Variants in HCN1 observed in about 807,000 individuals in gnomAD.
HCN1 encodes the protein hyperpolarization activated cyclic nucleotide gated potassium channel 1.
Under a neutral mutation model 78.9 loss-of-function variants are expected in HCN1, and 13 were observed. That is an observed-to-expected ratio of 0.16 (90% CI 0.11 to 0.26). The LOEUF is 0.26. HCN1 is among the 10% of genes least tolerant of loss of function. The pLI is 1.00. For missense variants in HCN1, 810 were observed against 1,154.3 expected (o/e 0.70, Z 4.32); for synonymous variants, 552 against 455.5 (o/e 1.21, Z -2.70).
intron 4 of HCN1, among the ~76,000 whole-genome samples, chr5:45,370,114 T>A: frequency 6.6e-6 from 1 of 152,018 alleles, no homozygotes; most frequent in East Asian, 1.9e-4. Flanking sequence ...AGCATATATA[T>A]GTTTTCACTG....
chr5:45,306,784 A>T (rs1362301284), intron 5 of HCN1, among the ~76,000 whole-genome samples: 1 of 152,092 alleles, frequency 6.6e-6, no homozygotes, highest in Non-Finnish European at 1.5e-5. Flanking sequence ...TGTTATAATT[A>T]GCTCTTTTTA....
intron 5 of HCN1, among the ~76,000 whole-genome samples, chr5:45,308,618 AT>A (rs1351599534): frequency 6.6e-6 from 1 of 152,070 alleles, no homozygotes; most frequent in African/African-American, 2.4e-5. Flanking sequence ...AAGAAGACAA[AT>A]TGTATATATA....
At chr5:45,425,449 T>C (rs1279480874) in intron 3 of HCN1, among the ~76,000 whole-genome samples, 2 of 152,208 alleles carry the variant, frequency 1.3e-5, no homozygotes, top group Non-Finnish European at 2.9e-5. Context: ...CACATCAAGA[T>C]GTCAAATAAT....
chr5:45,346,559 G>A (rs1277026280), intron 5 of HCN1, among the ~76,000 whole-genome samples: 4 of 152,188 alleles, frequency 2.6e-5, no homozygotes, highest in African/African-American at 9.6e-5. Flanking sequence ...AGCAGGGCGA[G>A]GCACTACCTC....
In HCN1 at chr5:45,531,038, A is replaced by G. The variant is rs546589845; in HGVS notation, c.850-69031T>C. On this transcript the variant is annotated intron_variant, in intron 2 of 7. Coordinates refer to ENST00000303230, the MANE Select transcript of HCN1 (RefSeq NM_021072.4). ...GGGTGTAGTTTCTGGATGTAAAATT[A>G]AAGAAATGCTAACACACATACACAC... Among the ~76,000 whole-genome samples the G allele has an allele frequency of 1.2e-4, 18 of 151,854 alleles. 1 individual carries two copies. Among genetic ancestry groups the G allele is most frequent in the African/African-American group, 4.1e-4 (17 of 41,398 alleles).
chr5:45,567,631 G>T (rs1579973777), intron 2 of HCN1, among the ~76,000 whole-genome samples: 1 of 142,508 alleles, frequency 7.0e-6, no homozygotes, highest in East Asian at 2.3e-4. Flanking sequence ...CAAAAACATG[G>T]TGGCATGAAA....
chr5:45,688,936 A>C (rs974398965), intron 1 of HCN1, among the ~76,000 whole-genome samples: 1 of 152,070 alleles, frequency 6.6e-6, no homozygotes, highest in African/African-American at 2.4e-5. Flanking sequence ...AATAAGCAAA[A>C]ATCTACAGAG....
chr5:45,318,098 A>T (rs540931065), intron 5 of HCN1, among the ~76,000 whole-genome samples: 1 of 152,312 alleles, frequency 6.6e-6, no homozygotes, highest in African/African-American at 2.4e-5. Flanking sequence ...TCATGCAGCT[A>T]TAAAAACACA....
intron 3 of HCN1, among the ~76,000 whole-genome samples, chr5:45,446,003 A>G (rs1187242376): frequency 1.3e-5 from 2 of 152,252 alleles, no homozygotes; most frequent in African/African-American, 4.8e-5. Flanking sequence ...AAAGGAACGC[A>G]GTTCCTCACC....
chr5:45,364,597 G>T (rs140345396), intron 4 of HCN1, among the ~76,000 whole-genome samples: 1 of 151,960 alleles, frequency 6.6e-6, no homozygotes, highest in Non-Finnish European at 1.5e-5. Flanking sequence ...CTGCAGCCTA[G>T]GCTACAGACT....
rs147761493 is a variant in HCN1 at position 45,442,931 on chromosome 5, G to T, written c.1011+18915C>A. ...GTTGAATTGGTAGTTTTCTTCAAGA[G>T]CTAGTTTAACTTGATAGCCCCAATT... On this transcript the variant is annotated intron_variant, in intron 3 of 7. Coordinates refer to ENST00000303230, the MANE Select transcript of HCN1 (RefSeq NM_021072.4). 5.9e-5 allele frequency among the ~76,000 whole-genome samples: 9 copies of T among 152,144 alleles called. No homozygotes were observed. The East Asian group carries it at 1.5e-3, about 26-fold the overall frequency.
intron 6 of HCN1, among the ~76,000 whole-genome samples, chr5:45,302,326 G>A (rs1219171135): frequency 6.6e-6 from 1 of 151,986 alleles, no homozygotes; most frequent in Non-Finnish European, 1.5e-5. Context: ...GAAGTTGCTT[G>A]TCTCTCCTTC....
chr5:45,399,334 T>C (rs1739748981), intron 3 of HCN1, among the ~76,000 whole-genome samples: 2 of 152,368 alleles, frequency 1.3e-5, no homozygotes, highest in East Asian at 1.9e-4. Flanking sequence ...TGTGTGATGC[T>C]GCCATCCTGC....
intron 3 of HCN1, among the ~76,000 whole-genome samples, chr5:45,461,052 G>A (rs1741144011): frequency 6.6e-6 from 1 of 151,872 alleles, no homozygotes; most frequent in Non-Finnish European, 1.5e-5. Flanking sequence ...TAATTAAAAT[G>A]TAATGCAGGA....
At chr5:45,498,163 T>A (rs1742091653) in intron 2 of HCN1, among the ~76,000 whole-genome samples, 1 of 152,226 alleles carries the variant, frequency 6.6e-6, no homozygotes, top group South Asian at 2.1e-4. Context: ...TTCTCCTGGA[T>A]AATGTCCTGC....
At chr5:45,677,698 A>G (rs1739604822) in intron 1 of HCN1, among the ~76,000 whole-genome samples, 1 of 151,878 alleles carries the variant, frequency 6.6e-6, no homozygotes, top group African/African-American at 2.4e-5. Context: ...GACAAGCAAG[A>G]GAGAGAAAGA....
chr5:45,459,251 CAATAA>C (rs551221127), intron 3 of HCN1, among the ~76,000 whole-genome samples: 9 of 151,432 alleles, frequency 5.9e-5, no homozygotes, highest in African/African-American at 1.5e-4. Context: ...AAAATAAAAA[CAATAA>C]AATAAAATAA....
At chr5:45,328,848 T>A (rs1362920425) in intron 5 of HCN1, among the ~76,000 whole-genome samples, 3 of 151,694 alleles carry the variant, frequency 2.0e-5, no homozygotes, top group Non-Finnish European at 4.4e-5. Context: ...ACAATTTAGT[T>A]AATAAGCGAT....
intron 2 of HCN1, among the ~76,000 whole-genome samples, chr5:45,609,679 T>C (rs1055279634): frequency 2.0e-5 from 3 of 152,138 alleles, no homozygotes; most frequent in Non-Finnish European, 2.9e-5. Context: ...ATACTATATA[T>C]TCACGCCAAG....
Sources: allele counts gnomAD v4.1 joint callset (sites outside exome capture counted in the v4.1 genomes callset), GRCh38; gene constraint gnomAD v4.1.1; transcripts MANE v1.5; gene names NCBI Gene and HGNC (gene_info 2026-07-23, HGNC 2026-07-21).